ELFN2: variants seen among roughly 807,000 people sequenced by gnomAD.
ELFN2 encodes extracellular leucine rich repeat and fibronectin type III domain containing 2.
ELFN2 carries 17 observed loss-of-function variants against 45.5 expected under a neutral mutation model. That is an observed-to-expected ratio of 0.37 (90% CI 0.26 to 0.56). The LOEUF (loss-of-function observed/expected upper bound fraction) is 0.56. ELFN2 is among the 20% of genes least tolerant of loss of function. The pLI, the probability that ELFN2 is intolerant of heterozygous loss-of-function variation, is 0.77. For synonymous variants in ELFN2, 550 were observed against 551.5 expected, an observed-to-expected ratio of 1.00 and a Z score of 0.04; for missense variants, 922 against 1,183.2, an observed-to-expected ratio of 0.78 and a Z score of 3.24.
intron 1 of ELFN2, among the ~76,000 whole-genome samples, chr22:37,346,031 A>G (rs1569123981): frequency 6.6e-6 from 1 of 152,154 alleles, no homozygotes; most frequent in African/African-American, 2.4e-5. Context: ...AAAAACGCTC[A>G]CTAACCTCTC....
chr22:37,394,312 G>T (rs564380846), intron 2 of ELFN2, among the ~76,000 whole-genome samples: 2 of 152,144 alleles, frequency 1.3e-5, no homozygotes, highest in Non-Finnish European at 2.9e-5. Context: ...GTGCCCCAAG[G>T]TCCTCCCCTC....
At chr22:37,398,632 A>G (rs1288969798) in intron 2 of ELFN2, among the ~76,000 whole-genome samples, 1 of 151,916 alleles carries the variant, frequency 6.6e-6, no homozygotes, top group African/African-American at 2.4e-5. Flanking sequence ...GCGCCTCCCC[A>G]GCTCCTCTGC....
intron 1 of ELFN2, chr22:37,418,864 C>G (rs950429076): frequency 6.6e-6 from 1 of 152,500 alleles, no homozygotes; most frequent in Non-Finnish European, 1.5e-5. Context: ...GAGCACAGTA[C>G]CTGGCTGACC....
chr22:37,423,460 C>T (rs570857949), intron 1 of ELFN2, among the ~76,000 whole-genome samples: 3 of 152,310 alleles, frequency 2.0e-5, no homozygotes, highest in South Asian at 4.1e-4. Flanking sequence ...GCCAATGGTG[C>T]TGATGTGAGA....
chr22:37,413,182 C>T (rs1205429807), intron 2 of ELFN2, among the ~76,000 whole-genome samples: 1 of 152,066 alleles, frequency 6.6e-6, no homozygotes, highest in Middle Eastern at 3.2e-3. Flanking sequence ...CCCTCTTCTG[C>T]CCTAGGGGGA....
At chr22:37,412,493 C>T (rs1932673686) in intron 2 of ELFN2, among the ~76,000 whole-genome samples, 1 of 152,018 alleles carries the variant, frequency 6.6e-6, no homozygotes, top group Admixed American at 6.5e-5. Flanking sequence ...TACCTGATTG[C>T]AGGACTCTGC....
chr22:37,364,357 A>G (rs1931155879), downstream of ELFN2, among the ~76,000 whole-genome samples: 3 of 152,182 alleles, frequency 2.0e-5, no homozygotes, highest in South Asian at 6.2e-4. Context: ...GAAGAAGCAC[A>G]AGGGCTGCCA....
At chr22:37,346,889 A>G (rs1930710356) in intron 1 of ELFN2, among the ~76,000 whole-genome samples, 1 of 152,088 alleles carries the variant, frequency 6.6e-6, no homozygotes, top group Admixed American at 6.5e-5. Context: ...CAGTGCAGAG[A>G]CAGGGCGTGG....
At chr22:37,379,603 A>G (rs1390963607) in intron 2 of ELFN2, among the ~76,000 whole-genome samples, 1 of 152,184 alleles carries the variant, frequency 6.6e-6, no homozygotes, top group Non-Finnish European at 1.5e-5. Flanking sequence ...GCATGCTGTT[A>G]TCGGGGGCTC....
At chr22:37,379,840 C>T (rs556586623) in intron 2 of ELFN2, among the ~76,000 whole-genome samples, 29 of 152,252 alleles carry the variant, frequency 1.9e-4, no homozygotes, top group African/African-American at 6.7e-4. Flanking sequence ...GGGTTTGTGC[C>T]CTTTCCGCCC....
rs375468127 is a variant in ELFN2, at chr22:37,416,853, C to T, written c.-463+916G>A. On this transcript the variant is annotated intron_variant, in intron 2 of 2. Coordinates refer to ENST00000402918, the MANE Select transcript of ELFN2 (RefSeq NM_052906.5). ...CCCCTTCAGGGCACCCATCACTACC[C>T]CTTTCCTGGGGACCTCCAACACCTG... Among the ~76,000 whole-genome samples, 69 of 152,302 alleles carry T rather than the reference C, an allele frequency of 4.5e-4. 2 individuals carry two copies. Among genetic ancestry groups the T allele is most frequent in the Middle Eastern group, 6.8e-3 (2 of 294 alleles).
chr22:37,364,318 C>T (rs1180960856), downstream of ELFN2, among the ~76,000 whole-genome samples: 1 of 152,120 alleles, frequency 6.6e-6, no homozygotes, highest in African/African-American at 2.4e-5. Context: ...CACAGGGCCA[C>T]GGGGCAGCCT....
chr22:37,367,459 G>A (rs1931230619), downstream of ELFN2, among the ~76,000 whole-genome samples: 1 of 152,228 alleles, frequency 6.6e-6, no homozygotes, highest in Admixed American at 6.5e-5. Flanking sequence ...GCGTGGAGGA[G>A]GCCCAGTGGG....
chr22:37,396,520 AAGG>A (rs1450158172), intron 2 of ELFN2, among the ~76,000 whole-genome samples: 1 of 152,182 alleles, frequency 6.6e-6, no homozygotes, highest in Non-Finnish European at 1.5e-5. Flanking sequence ...GGGCACTTTG[AAGG>A]AGGTCAGAGC....
At chr22:37,394,923 C>A (rs2003821) in intron 2 of ELFN2, among the ~76,000 whole-genome samples, 7 of 151,480 alleles carry the variant, frequency 4.6e-5, no homozygotes, top group Non-Finnish European at 8.8e-5. Context: ...GCCAACATAG[C>A]GAAACCCCGT....
chr22:37,373,521 T>C lies in ELFN2; in HGVS notation c.2014A>G (p.Ser672Gly), dbSNP rs1323605968. The change falls in exon 3 of 3, where the codon AGC (serine) becomes GGC (glycine). Residue 672 changes from serine to glycine, a missense_variant. Around this residue, in one of 2 missense-constraint regions of ELFN2, gnomAD observed 564 missense variants for 642.8 expected, o/e 0.88. Coordinates refer to ENST00000402918, the MANE Select transcript of ELFN2 (RefSeq NM_052906.5). Reference sequence around the variant, plus strand: ...ACCAGCGGGAGCCGGTCCAGCGGGCTGTTGAGGGGGCTGCCCTTCTCGATG... The same window carrying C: ...ACCAGCGGGAGCCGGTCCAGCGGGCCGTTGAGGGGGCTGCCCTTCTCGATG... ...KYIEKGSPLN[S>G]PLDRLPLVPA... is the part of the protein sequence containing the mutation. 2 of 1,544,894 alleles carry C rather than the reference T, an allele frequency of 1.3e-6. No individual in the cohort carries two copies. The highest frequency in any genetic ancestry group is 3.8e-5 in the Admixed American group (2 of 52,412).
chr22:37,355,147 C>G (rs995536005), intron 1 of ELFN2, among the ~76,000 whole-genome samples: 18 of 152,214 alleles, frequency 1.2e-4, no homozygotes, highest in African/African-American at 4.3e-4. Context: ...CAGTCTGTCC[C>G]TTGGGATGGA....
intron 2 of ELFN2, among the ~76,000 whole-genome samples, chr22:37,413,084 TGTGGCCACAGACGGG>T (rs1307805715): frequency 6.6e-6 from 1 of 152,152 alleles, no homozygotes; most frequent in East Asian, 1.9e-4. Flanking sequence ...CAGGGGCTGC[TGTGGCCACAGACGGG>T]GTGAGGTACA....
intron 2 of ELFN2, among the ~76,000 whole-genome samples, chr22:37,393,272 C>T (rs1022729585): frequency 3.3e-5 from 5 of 152,222 alleles, no homozygotes; most frequent in African/African-American, 1.2e-4. Flanking sequence ...CTCACGTAAT[C>T]CCTCCCCAGA....
Sources: gnomAD v4.1 joint callset for allele counts (sites outside exome capture counted in the v4.1 genomes callset) on GRCh38, gnomAD v4.1.1 for gene constraint, gnomAD v4.1.1 regional missense constraint, MANE v1.5 for transcripts, NCBI Gene and HGNC (gene_info 2026-07-23, HGNC 2026-07-21) for gene names.